Variants in EBF1 observed in about 807,000 individuals in gnomAD.
The protein encoded by EBF1 is transcription factor COE1.
Under a neutral mutation model 68.4 loss-of-function variants are expected in EBF1, and 10 were observed. That is an observed-to-expected ratio of 0.15 (90% CI 0.09 to 0.25). The LOEUF (loss-of-function observed/expected upper bound fraction) is 0.25, where lower values mean the gene tolerates loss of function less well. Ranked by LOEUF, EBF1 falls within the 10% of genes least tolerant of loss-of-function variation. EBF1 has a pLI of 1.00. For synonymous variants in EBF1, 298 were observed against 299.8 expected (o/e 0.99, Z 0.06); for missense variants, 509 against 794.4 (o/e 0.64, Z 4.32).
intron 13 of EBF1, 55 bp from the exon 14 acceptor site, chr5:158,712,388 C>G (rs1759586051): frequency 1.9e-6 from 3 of 1,585,288 alleles, no homozygotes; most frequent in Non-Finnish European, 2.6e-6. Context: ...GGTGGCAATC[C>G]TGGAAGACTC....
chr5:158,822,309 G>T (rs999140001), intron 8 of EBF1, among the ~76,000 whole-genome samples: 22 of 150,938 alleles, frequency 1.5e-4, no homozygotes, highest in African/African-American at 5.4e-4. Flanking sequence ...TGGATGGATG[G>T]ATGGATAGAT....
intron 15 of EBF1, among the ~76,000 whole-genome samples, chr5:158,701,800 C>G (rs566782371): frequency 6.6e-6 from 1 of 152,270 alleles, no homozygotes; most frequent in South Asian, 2.1e-4. Context: ...ATATATGGGT[C>G]TAGGGGGTGG....
intron 6 of EBF1, among the ~76,000 whole-genome samples, chr5:158,872,417 G>A (rs376270628): frequency 6.6e-6 from 1 of 151,966 alleles, no homozygotes; most frequent in Admixed American, 6.6e-5. Flanking sequence ...GGCTGGTCTC[G>A]AACTCCTGAC....
At chr5:158,881,139 C>G (rs1288044107) in intron 6 of EBF1, among the ~76,000 whole-genome samples, 1 of 152,190 alleles carries the variant, frequency 6.6e-6, no homozygotes, top group African/African-American at 2.4e-5. Context: ...ACATTAGAAA[C>G]ACTTCGTATT....
intron 6 of EBF1, among the ~76,000 whole-genome samples, chr5:158,999,047 C>A (rs1365552480): frequency 6.6e-6 from 1 of 151,712 alleles, no homozygotes; most frequent in Admixed American, 6.6e-5. Flanking sequence ...GAACCTCAAG[C>A]ACACACAAGA....
chr5:159,098,626 G>A (rs1783075331), intron 1 of EBF1, among the ~76,000 whole-genome samples: 1 of 151,460 alleles, frequency 6.6e-6, no homozygotes, highest in Non-Finnish European at 1.5e-5. Context: ...GGAAGGAAAA[G>A]AGTGAGGGAG....
intron 6 of EBF1, chr5:158,941,248 A>G: frequency 2.2e-6 from 1 of 456,064 alleles, no homozygotes; most frequent in Non-Finnish European, 4.4e-6. Context: ...GTGAGGGGTT[A>G]GACCCAAACA....
Position 158,887,982 on chromosome 5 carries a change from G to T in EBF1, c.555-47872C>A, listed in dbSNP as rs193160283. Among the ~76,000 whole-genome samples the T allele has an allele frequency of 1.6e-3, 243 of 152,152 alleles. 1 individual carries two copies. The highest frequency in any genetic ancestry group is 5.7e-3 in the African/African-American group (235 of 41,486). ...AATTCAAATGATTAACCTCACCATG[G>T]GGCTCTCTGTTTCCAGGGCAAACAG... On this transcript the variant is annotated intron_variant, in intron 6 of 15. Transcript: ENST00000313708.
intron 6 of EBF1, among the ~76,000 whole-genome samples, chr5:159,008,122 G>A (rs1387513812): frequency 2.0e-5 from 3 of 152,084 alleles, no homozygotes; most frequent in African/African-American, 7.2e-5. Flanking sequence ...CCATGTGTAA[G>A]AATAAGAGAT....
At chr5:158,801,114 G>A (rs1780494767) in intron 8 of EBF1, among the ~76,000 whole-genome samples, 2 of 151,956 alleles carry the variant, frequency 1.3e-5, no homozygotes, top group South Asian at 4.2e-4. Flanking sequence ...CGAAAGTAGA[G>A]GAGATTTTCC....
intron 6 of EBF1, among the ~76,000 whole-genome samples, chr5:159,006,154 G>A (rs1000017102): frequency 6.6e-6 from 1 of 152,126 alleles, no homozygotes; most frequent in Non-Finnish European, 1.5e-5. Context: ...CACTTAAAAC[G>A]CAGACCTTCA....
At position 159,084,787 on chromosome 5, in the gene EBF1, A is replaced by G. The variant is rs80098845; in HGVS notation, c.412-48T>C. On this transcript the variant is annotated intron_variant, in intron 4 of 15. Coordinates refer to ENST00000313708, the MANE Select transcript of EBF1 (RefSeq NM_024007.5). ...AGCTAAGAATGGAAAGGAGTAGCAG[A>G]AAAAAAAAAAAAATCACAATTGAGT... is the stretch of plus-strand genomic sequence containing the variant. 192 of 504,256 alleles carry G rather than the reference A, an allele frequency of 3.8e-4. 1 individual carries two copies. In the South Asian group the frequency reaches 6.2e-3, roughly 16 times the overall value. 31.2% of individuals were successfully genotyped at this position (504,256 alleles called of 1,614,324 possible). A position where few individuals can be genotyped will look rare whatever the true frequency, so the allele number is the denominator to read the frequency against.
At chr5:158,877,117 A>C (rs1797955490) in intron 6 of EBF1, among the ~76,000 whole-genome samples, 1 of 152,180 alleles carries the variant, frequency 6.6e-6, no homozygotes, top group Admixed American at 6.5e-5. Flanking sequence ...TACTGCACCC[A>C]GATTCACTTC....
At chr5:158,977,546 TTAG>T (rs1757025954) in intron 6 of EBF1, among the ~76,000 whole-genome samples, 1 of 152,206 alleles carries the variant, frequency 6.6e-6, no homozygotes, top group Non-Finnish European at 1.5e-5. Context: ...GTTCTCCCAA[TTAG>T]TAGCACAGGA....
chr5:158,714,516 G>A (rs1760201511), intron 11 of EBF1, among the ~76,000 whole-genome samples: 1 of 152,034 alleles, frequency 6.6e-6, no homozygotes, highest in Non-Finnish European at 1.5e-5. Flanking sequence ...ATTCAGTCGT[G>A]GTATGAATCC....
At chr5:159,062,786 T>A (rs1776101664) in intron 6 of EBF1, among the ~76,000 whole-genome samples, 1 of 152,222 alleles carries the variant, frequency 6.6e-6, no homozygotes, top group South Asian at 2.1e-4. Context: ...TTATCATGTG[T>A]AATACACATA....
At chr5:158,759,206 T>C (rs568324380) in intron 10 of EBF1, among the ~76,000 whole-genome samples, 101 of 152,332 alleles carry the variant, frequency 6.6e-4, no homozygotes, top group Non-Finnish European at 1.2e-3. Context: ...TTGCAGTTTA[T>C]TGAAAGCTAT....
At chr5:158,852,490 A>G (rs1426155033) in intron 6 of EBF1, among the ~76,000 whole-genome samples, 2 of 152,188 alleles carry the variant, frequency 1.3e-5, no homozygotes, top group East Asian at 3.8e-4. Flanking sequence ...AGCTGAGCTC[A>G]GATAAAAACA....
intron 6 of EBF1, among the ~76,000 whole-genome samples, chr5:158,968,941 C>T (rs908863623): frequency 6.6e-6 from 1 of 152,174 alleles, no homozygotes; most frequent in African/African-American, 2.4e-5. Context: ...AGGAAATTTG[C>T]TTCTTGTAAG....
Sources: allele counts gnomAD v4.1 joint callset (sites outside exome capture counted in the v4.1 genomes callset), GRCh38; gene constraint gnomAD v4.1.1; transcripts MANE v1.5; gene names NCBI Gene and HGNC (gene_info 2026-07-23, HGNC 2026-07-21).